The following OTUD7B variants were observed in gnomAD, a reference collection of about 807,000 sequenced individuals.
OTUD7B encodes OTU deubiquitinase 7B, also known as OTU domain-containing protein 7B.
OTUD7B carries 34 observed loss-of-function variants against 82.2 expected under a neutral mutation model. That is an observed-to-expected ratio of 0.41 (90% CI 0.31 to 0.55). OTUD7B has a LOEUF of 0.55. OTUD7B is among the 20% of genes least tolerant of loss of function. The pLI, the probability that OTUD7B is intolerant of heterozygous loss-of-function variation, is 0.20. For synonymous variants in OTUD7B, 398 were observed against 402.7 expected (o/e 0.99, Z 0.14); for missense variants, 944 against 1,062.1 (o/e 0.89, Z 1.55).
intron 1 of OTUD7B, among the ~76,000 whole-genome samples, chr1:149,984,598 AC>A (rs375997260): frequency 1.2e-3 from 179 of 152,198 alleles, no homozygotes; most frequent in African/African-American, 4.1e-3. Context: ...AGCCCTAAGC[AC>A]CCAAATGTTC....
intron 7 of OTUD7B, among the ~76,000 whole-genome samples, chr1:149,956,041 G>GGTTAATA (rs1417889978): frequency 6.6e-6 from 1 of 152,056 alleles, no homozygotes; most frequent in Non-Finnish European, 1.5e-5. Context: ...TTACATTTAA[G>GGTTAATA]GTTAATACTG....
chr1:149,950,296 C>T (rs1420465776), intron 7 of OTUD7B, 75 bp from the exon 8 acceptor site: 2 of 1,457,440 alleles, frequency 1.4e-6, no homozygotes, highest in Non-Finnish European at 1.9e-6. Context: ...ACCCTGAAGA[C>T]CAGTTCTGCA....
At chr1:149,979,360 C>T (rs1159077073) in intron 1 of OTUD7B, among the ~76,000 whole-genome samples, 1 of 152,170 alleles carries the variant, frequency 6.6e-6, no homozygotes, top group Non-Finnish European at 1.5e-5. Flanking sequence ...ACCTCCCTCA[C>T]ACTACATGAG....
At chr1:149,959,385 A>C (rs1553775204) in intron 7 of OTUD7B, among the ~76,000 whole-genome samples, 1 of 152,098 alleles carries the variant, frequency 6.6e-6, no homozygotes. Flanking sequence ...TTTTTAGTCC[A>C]TTTAAACCTA....
intron 2 of OTUD7B, among the ~76,000 whole-genome samples, chr1:149,971,868 A>G (rs1649962776): frequency 6.6e-6 from 1 of 152,212 alleles, no homozygotes; most frequent in Non-Finnish European, 1.5e-5. Flanking sequence ...CTCCAGCTAA[A>G]TTATTCAACA....
chr1:150,033,822 A>T, the OTUD7B span, among the ~76,000 whole-genome samples: 1 of 152,116 alleles, frequency 6.6e-6, no homozygotes, highest in East Asian at 1.9e-4. Context: ...CCCAGGTTTA[A>T]GCGATTCTCC....
chr1:150,006,351 G>A (rs1553786097), intron 1 of OTUD7B, among the ~76,000 whole-genome samples: 1 of 152,094 alleles, frequency 6.6e-6, no homozygotes, highest in African/African-American at 2.4e-5. Context: ...CAGCTACTCG[G>A]GAGGCTGAGG....
chr1:149,984,485 C>T (rs587595247), intron 1 of OTUD7B, among the ~76,000 whole-genome samples: 1 of 152,304 alleles, frequency 6.6e-6, no homozygotes, highest in Admixed American at 6.5e-5. Flanking sequence ...GGCCCTGTGT[C>T]TTGGTCGTCT....
intron 7 of OTUD7B, among the ~76,000 whole-genome samples, chr1:149,952,062 T>TA (rs1648299512): frequency 1.2e-4 from 19 of 152,118 alleles, no homozygotes; most frequent in Non-Finnish European, 7.4e-5. Context: ...AATTTTTTTT[T>TA]ATTATACTTT....
At chr1:149,965,691 G>C (rs1649480419) in intron 5 of OTUD7B, 86 bp downstream of exon 5, 3 of 928,948 alleles carry the variant, frequency 3.2e-6, no homozygotes. Flanking sequence ...CTAAGATCAA[G>C]GTTATCTGGA....
intron 1 of OTUD7B, among the ~76,000 whole-genome samples, chr1:149,988,670 T>C (rs1331828644): frequency 1.3e-5 from 2 of 152,196 alleles, no homozygotes; most frequent in Non-Finnish European, 2.9e-5. Context: ...GTAGCTTAAA[T>C]AGAAACAAGA....
chr1:150,049,627 CTCTTTCTT>C, the OTUD7B span, among the ~76,000 whole-genome samples: 1 of 53,240 alleles, frequency 1.9e-5, no homozygotes, highest in African/African-American at 1.3e-4. Flanking sequence ...CTCTCTCTCT[CTCTTTCTT>C]TTTTTTTTTT....
the OTUD7B span, among the ~76,000 whole-genome samples, chr1:150,057,096 T>C: frequency 6.6e-6 from 1 of 152,188 alleles, no homozygotes; most frequent in East Asian, 1.9e-4. Context: ...GCCATGATAT[T>C]GAGAAGGCTA....
At chr1:149,977,175 A>G (rs1274472538) in intron 2 of OTUD7B, among the ~76,000 whole-genome samples, 1 of 152,214 alleles carries the variant, frequency 6.6e-6, no homozygotes, top group Non-Finnish European at 1.5e-5. Flanking sequence ...ATGGACTAAT[A>G]TAAAATTTCA....
At chr1:150,011,452 T>C (rs1163375987), upstream of OTUD7B, among the ~76,000 whole-genome samples, 1 of 152,226 alleles carries the variant, frequency 6.6e-6, no homozygotes, top group Non-Finnish European at 1.5e-5. Context: ...ATCCCAGACA[T>C]CAAAGGTTTT....
At position 149,943,871 on chromosome 1, in the gene OTUD7B, C is replaced by A; in HGVS notation, c.2518G>T (p.Val840Leu). The change falls in exon 12 of 12, where the codon GTG (valine) becomes TTG (leucine). Residue 840 changes from valine (V) to leucine (L), a missense_variant. Val to Leu is a conservative substitution (Grantham distance 32). This residue lies in a region of OTUD7B where 412 missense variants were observed against 418.7 expected (regional missense o/e 0.98). Transcript: ENST00000581312. ...REREPDGELL[V>L]HRF The stretch of plus-strand genomic sequence containing the variant: ...GTTCCACCCGTTCAGAACCTGTGCA[C>A]CAGGAGCTCCCCATCCGGTTCCCGC... 6.2e-7 allele frequency: 1 copy of A among 1,614,122 alleles called. No homozygotes were observed. The highest frequency in any genetic ancestry group is 1.7e-4 in the Middle Eastern group (1 of 6,016).
chr1:150,064,530 A>G, the OTUD7B span, among the ~76,000 whole-genome samples: 9 of 151,952 alleles, frequency 5.9e-5, no homozygotes, highest in Non-Finnish European at 8.8e-5. Context: ...CGCTACACCT[A>G]GCTAATTTTT....
chr1:150,002,946 C>T (rs587716426), intron 1 of OTUD7B, among the ~76,000 whole-genome samples: 24 of 152,276 alleles, frequency 1.6e-4, no homozygotes, highest in Admixed American at 5.9e-4. Flanking sequence ...TCCTGATATA[C>T]TGCAGTATAA....
At chr1:149,951,530 G>A (rs1244437382) in intron 7 of OTUD7B, among the ~76,000 whole-genome samples, 1 of 152,078 alleles carries the variant, frequency 6.6e-6, no homozygotes, top group Non-Finnish European at 1.5e-5. Context: ...ATTATCCACT[G>A]GAGTCAGCGT....
Sources: allele counts gnomAD v4.1 joint callset (sites outside exome capture counted in the v4.1 genomes callset), GRCh38; gene constraint gnomAD v4.1.1; regional missense constraint gnomAD v4.1.1; transcripts MANE v1.5; gene names NCBI Gene and HGNC (gene_info 2026-07-23, HGNC 2026-07-21).